Variants in SPOCK1 observed in about 807,000 individuals in gnomAD.
The protein encoded by SPOCK1 is testican-1.
SPOCK1 carries 23 observed loss-of-function variants against 55.3 expected under a neutral mutation model. The ratio of observed to expected loss-of-function variants is 0.42; its 90% CI spans 0.30 to 0.59. SPOCK1 has a LOEUF of 0.59. SPOCK1 is among the 20% of genes least tolerant of loss of function. SPOCK1 has a pLI of 0.22. For synonymous variants in SPOCK1, 226 were observed against 221.0 expected, an observed-to-expected ratio of 1.02 and a Z score of -0.20; for missense variants, 499 against 552.5, an observed-to-expected ratio of 0.90 and a Z score of 0.97.
chr5:137,398,874 A>G (rs915696160), intron 2 of SPOCK1, among the ~76,000 whole-genome samples: 25 of 152,206 alleles, frequency 1.6e-4, no homozygotes, highest in African/African-American at 5.8e-4. Flanking sequence ...CCCACAAAAC[A>G]GGGCAGAGAG....
chr5:137,223,671 G>A (rs573399855), intron 3 of SPOCK1, among the ~76,000 whole-genome samples: 2 of 152,118 alleles, frequency 1.3e-5, no homozygotes, highest in Non-Finnish European at 2.9e-5. Context: ...ATAAAATAAT[G>A]AGCAAAAACA....
Position 137,245,780 on chromosome 5 carries a change from A to AC in SPOCK1, c.232+21229_232+21230insG, listed in dbSNP as rs1554072131. Among the ~76,000 whole-genome samples the AC allele has an allele frequency of 9.0e-3, 1,092 of 120,722 alleles. 11 individuals are homozygous for AC. The highest frequency in any genetic ancestry group is 0.03 in the African/African-American group (851 of 28,564). 79.2% of individuals were successfully genotyped at this position (120,722 alleles called of 152,430 possible). The stretch of plus-strand genomic sequence containing the variant: ...AAAAAACAAAACAAAACAAAACAAA[A>AC]AAAAAACAAAAAAAAAAACTGTCTT... On this transcript the variant is annotated intron_variant, in intron 3 of 10. Coordinates refer to ENST00000394945, the MANE Select transcript of SPOCK1 (RefSeq NM_004598.4).
intron 2 of SPOCK1, among the ~76,000 whole-genome samples, chr5:137,487,135 A>G (rs1243859011): frequency 1.3e-5 from 2 of 152,060 alleles, no homozygotes; most frequent in Non-Finnish European, 2.9e-5. Flanking sequence ...TTTTTAATCA[A>G]TTTTAGGTGC....
chr5:137,011,796 A>G (rs1171598141), intron 6 of SPOCK1, among the ~76,000 whole-genome samples: 2 of 152,144 alleles, frequency 1.3e-5, no homozygotes, highest in African/African-American at 4.8e-5. Context: ...CAAAGTCAAG[A>G]TGGTTCATTT....
At chr5:137,291,142 G>A (rs1184628468) in intron 2 of SPOCK1, among the ~76,000 whole-genome samples, 1 of 152,060 alleles carries the variant, frequency 6.6e-6, no homozygotes, top group East Asian at 1.9e-4. Context: ...TGAACTACCT[G>A]GTGATCTATA....
At chr5:137,176,150 A>C (rs987058804) in intron 3 of SPOCK1, among the ~76,000 whole-genome samples, 10 of 152,192 alleles carry the variant, frequency 6.6e-5, no homozygotes, top group African/African-American at 2.4e-4. Flanking sequence ...TCTTGCTTAC[A>C]AAAGCTCCTA....
At chr5:137,212,072 C>T (rs1385441465) in intron 3 of SPOCK1, among the ~76,000 whole-genome samples, 1 of 152,194 alleles carries the variant, frequency 6.6e-6, no homozygotes, top group Non-Finnish European at 1.5e-5. Context: ...GCACAGATCA[C>T]AGCCTGGGGC....
intron 6 of SPOCK1, among the ~76,000 whole-genome samples, chr5:137,050,613 C>T (rs551807542): frequency 1.3e-5 from 2 of 152,088 alleles, no homozygotes; most frequent in East Asian, 1.9e-4. Flanking sequence ...GCGTCGCTCA[C>T]GCTGGGAGCT....
At chr5:137,414,109 A>G (rs1472853445) in intron 2 of SPOCK1, among the ~76,000 whole-genome samples, 2 of 152,250 alleles carry the variant, frequency 1.3e-5, no homozygotes, top group Admixed American at 1.3e-4. Flanking sequence ...TGTCCTGCTT[A>G]TAACCATATG....
At chr5:137,317,841 A>G (rs372552918) in intron 2 of SPOCK1, among the ~76,000 whole-genome samples, 3 of 152,254 alleles carry the variant, frequency 2.0e-5, no homozygotes, top group East Asian at 3.8e-4. Context: ...ACTCCATCAG[A>G]TGAAACTAGT....
chr5:137,015,461 T>C (rs538605181), intron 6 of SPOCK1, among the ~76,000 whole-genome samples: 1 of 152,038 alleles, frequency 6.6e-6, no homozygotes, highest in Admixed American at 6.5e-5. Context: ...GAGAGATAGA[T>C]AGCAAAGCAG....
At chr5:137,385,132 G>A (rs1267473450) in intron 2 of SPOCK1, among the ~76,000 whole-genome samples, 1 of 152,102 alleles carries the variant, frequency 6.6e-6, no homozygotes, top group Non-Finnish European at 1.5e-5. Flanking sequence ...CCCTCTCCAG[G>A]AAGCCTTCCT....
chr5:137,340,914 C>T (rs1396451744), intron 2 of SPOCK1, among the ~76,000 whole-genome samples: 1 of 152,010 alleles, frequency 6.6e-6, no homozygotes, highest in Non-Finnish European at 1.5e-5. Context: ...GATTGAGGCC[C>T]ACAGTGGCTG....
intron 4 of SPOCK1, among the ~76,000 whole-genome samples, chr5:137,129,465 G>A (rs1422364154): frequency 1.3e-5 from 2 of 152,190 alleles, no homozygotes; most frequent in Non-Finnish European, 2.9e-5. Flanking sequence ...GCTCAAATCA[G>A]CCTCCCTGAG....
intron 6 of SPOCK1, among the ~76,000 whole-genome samples, chr5:136,999,164 G>C (rs1751102422): frequency 6.6e-6 from 1 of 152,186 alleles, no homozygotes; most frequent in Non-Finnish European, 1.5e-5. Flanking sequence ...TGATGGGAGG[G>C]AGAAGGAGGC....
Position 136,977,635 on chromosome 5 carries a change from C to T in SPOCK1, c.*1019G>A, listed in dbSNP as rs1245314109. 6 of 296,236 alleles carry T rather than the reference C, an allele frequency of 2.0e-5. No individual in the cohort carries two copies. Among genetic ancestry groups the T allele is most frequent in the Admixed American group, 7.3e-5 (1 of 13,714 alleles). 18.4% of individuals were successfully genotyped at this position (296,236 alleles called of 1,614,324 possible). Reference sequence around the variant, plus strand: ...AAACCTATGGCAGACAGGATTGCTGCAGCCAAGGGGCTTCAAGCAGAAATG... The same window carrying T: ...AAACCTATGGCAGACAGGATTGCTGTAGCCAAGGGGCTTCAAGCAGAAATG... On this transcript the variant is annotated 3_prime_UTR_variant, in exon 11 of 11. Coordinates refer to ENST00000394945, the MANE Select transcript of SPOCK1 (RefSeq NM_004598.4).
intron 6 of SPOCK1, among the ~76,000 whole-genome samples, chr5:136,996,085 A>G (rs1751035182): frequency 1.3e-5 from 2 of 152,204 alleles, no homozygotes; most frequent in South Asian, 4.1e-4. Context: ...CACAACACAC[A>G]GGCTGGTGAT....
In SPOCK1 at chr5:137,329,778, G is replaced by A. The variant is rs146709572; in HGVS notation, c.187-62723C>T. On this transcript the variant is annotated intron_variant, in intron 2 of 10. Transcript: ENST00000394945. ...ACACGCTATCCCACAGTGCAAGCTC[G>A]AGAAGCCATCTGCATGGCTCACTCA... is the stretch of plus-strand genomic sequence containing the variant. Among the ~76,000 whole-genome samples, 173 of 152,244 alleles carry A rather than the reference G, an allele frequency of 1.1e-3. 4 individuals are homozygous for A. The Middle Eastern group carries it at 0.014, about 12-fold the overall frequency.
At chr5:137,386,460 A>G (rs1751601139) in intron 2 of SPOCK1, among the ~76,000 whole-genome samples, 1 of 152,230 alleles carries the variant, frequency 6.6e-6, no homozygotes, top group African/African-American at 2.4e-5. Context: ...CAACTTTGAG[A>G]CTTATTATAA....
Sources: gnomAD v4.1 joint callset for allele counts (sites outside exome capture counted in the v4.1 genomes callset) on GRCh38, gnomAD v4.1.1 for gene constraint, MANE v1.5 for transcripts, NCBI Gene and HGNC (gene_info 2026-07-23, HGNC 2026-07-21) for gene names.